SPAST: variants seen among roughly 807,000 people sequenced by gnomAD.
The protein encoded by SPAST is spastic paraplegia 4 (autosomal dominant; spastin).
SPAST carries 30 observed loss-of-function variants against 76.6 expected under a neutral mutation model. The ratio of observed to expected loss-of-function variants is 0.39; its 90% CI spans 0.29 to 0.53. The LOEUF is 0.53. SPAST is among the 20% of genes least tolerant of loss of function. SPAST has a pLI of 0.68. For synonymous variants in SPAST, 305 were observed against 281.0 expected, an observed-to-expected ratio of 1.09 and a Z score of -0.86; for missense variants, 717 against 770.5, an observed-to-expected ratio of 0.93 and a Z score of 0.82.
At chr2:32,088,577 G>A (rs1677586077) in intron 2 of SPAST, among the ~76,000 whole-genome samples, 1 of 152,224 alleles carries the variant, frequency 6.6e-6, no homozygotes, top group African/African-American at 2.4e-5. Context: ...CCAGGAGGCG[G>A]AGGTTGTGGT....
At chr2:32,150,951 C>CTTTTTTTTTTT (rs113065520) in intron 16 of SPAST, among the ~76,000 whole-genome samples, 79 of 143,338 alleles carry the variant, frequency 5.5e-4, no homozygotes, top group East Asian at 1.5e-3. Flanking sequence ...CTACTGTATA[C>CTTTTTTTTTTT]TTTTTTTTTT....
intron 4 of SPAST, among the ~76,000 whole-genome samples, chr2:32,112,011 A>G (rs144366703): frequency 2.1e-5 from 2 of 96,602 alleles, no homozygotes; most frequent in African/African-American, 7.0e-5. Context: ...TAGTAGTAGT[A>G]GTTTTTTTTT....
intron 4 of SPAST, among the ~76,000 whole-genome samples, chr2:32,099,979 G>A (rs1203818382): frequency 1.4e-5 from 2 of 145,026 alleles, no homozygotes; most frequent in South Asian, 2.3e-4. Flanking sequence ...AACATGGGGT[G>A]TAGATGTCTG....
chr2:32,087,694 C>CTTTTTTTTTTTTTTTT (rs770566493), intron 2 of SPAST, 116 bp downstream of exon 2: 11 of 186,252 alleles, frequency 5.9e-5, no homozygotes, highest in South Asian at 9.2e-5. Flanking sequence ...CTTTTCTTTT[C>CTTTTTTTTTTTTTTTT]TTTTTTTTTT....
At chr2:32,147,514 AC>A (rs1445909387) in intron 16 of SPAST, among the ~76,000 whole-genome samples, 1 of 151,704 alleles carries the variant, frequency 6.6e-6, no homozygotes, top group Non-Finnish European at 1.5e-5. Flanking sequence ...AGGGCATTTC[AC>A]CATGTTGGCC....
At chr2:32,065,727 T>C (rs548421556) in intron 1 of SPAST, among the ~76,000 whole-genome samples, 142 of 152,288 alleles carry the variant, frequency 9.3e-4, no homozygotes, top group African/African-American at 3.3e-3. Flanking sequence ...ACAGAAACAA[T>C]CTGCACTTCA....
chr2:32,091,248 TTATTATTA>T (rs1677703040), intron 3 of SPAST, among the ~76,000 whole-genome samples: 1 of 1,558 alleles, frequency 6.4e-4, no homozygotes, highest in Non-Finnish European at 1.1e-3. Flanking sequence ...TATGAAGCTA[TTATTATTA>T]TTATTATTAT....
intron 5 of SPAST, among the ~76,000 whole-genome samples, chr2:32,115,171 C>G (rs1678781722): frequency 6.6e-6 from 1 of 152,192 alleles, no homozygotes; most frequent in Middle Eastern, 3.4e-3. Flanking sequence ...TGGTCTCAAA[C>G]TCCCGACCTC....
chr2:32,110,539 AGTATATATATACTATATAGT>A (rs1678521001), intron 4 of SPAST, among the ~76,000 whole-genome samples: 2 of 137,548 alleles, frequency 1.5e-5, no homozygotes, highest in South Asian at 4.4e-4. Context: ...GTGTATATAT[AGTATATATATACTATATAGT>A]GTGTATATAT....
At chr2:32,122,366 G>A (rs959649669) in intron 7 of SPAST, among the ~76,000 whole-genome samples, 1 of 152,150 alleles carries the variant, frequency 6.6e-6, no homozygotes, top group Non-Finnish European at 1.5e-5. Flanking sequence ...CTGTTGCCCA[G>A]GCTGGAGTGC....
chr2:32,083,034 C>A (rs921674168), intron 1 of SPAST, among the ~76,000 whole-genome samples: 2 of 151,840 alleles, frequency 1.3e-5, no homozygotes, highest in African/African-American at 4.8e-5. Flanking sequence ...TGCAGTGGCG[C>A]AATCACAGCT....
chr2:32,075,240 G>A (rs1676905144), intron 1 of SPAST, among the ~76,000 whole-genome samples: 1 of 151,540 alleles, frequency 6.6e-6, no homozygotes, highest in African/African-American at 2.4e-5. Context: ...GGCTAACACG[G>A]TGAAACCCCA....
rs144594804 is a variant in SPAST at position 32,154,380 on chromosome 2, A to C, written c.1735A>C (p.Asn579His). 1,032 of 1,613,136 alleles carry C rather than the reference A, an allele frequency of 6.4e-4. 1 individual carries two copies. Among genetic ancestry groups the C allele is most frequent in the Non-Finnish European group, 8.3e-4 (984 of 1,179,106 alleles). Residue 579 changes from asparagine to histidine, a missense_variant, in exon 17 of 17, where the codon AAT becomes CAT. Physicochemically the swap from Asn to His is moderately conservative, Grantham distance 68. Around this residue, in one of 3 missense-constraint regions of SPAST, gnomAD observed 96 missense variants for 127.6 expected, o/e 0.75. Transcript: ENST00000315285. ...GTGCTTTTTAAAAATCTAGATGAGA[A>C]ATATTCGATTATCTGACTTCACTGA... ...VKNMSASEMR[N>H]IRLSDFTESL...
chr2:32,111,332 GTATA>G (rs1047922981), intron 4 of SPAST, among the ~76,000 whole-genome samples: 2 of 127,658 alleles, frequency 1.6e-5, no homozygotes, highest in Non-Finnish European at 3.5e-5. Context: ...TGTGTATAGC[GTATA>G]TATACAGTAT....
At chr2:32,140,830 A>G (rs756541205) in intron 12 of SPAST, among the ~76,000 whole-genome samples, 7 of 149,960 alleles carry the variant, frequency 4.7e-5, no homozygotes, top group Non-Finnish European at 1.0e-4. Flanking sequence ...ATACTTGGTC[A>G]TAATTTTAGT....
chr2:32,064,922 G>T (rs914740310), intron 1 of SPAST, among the ~76,000 whole-genome samples: 1 of 152,038 alleles, frequency 6.6e-6, no homozygotes, highest in African/African-American at 2.4e-5. Context: ...AATGGATTGC[G>T]TAAACTTAAA....
chr2:32,111,880 C>T (rs1678621232), intron 4 of SPAST, among the ~76,000 whole-genome samples: 1 of 150,506 alleles, frequency 6.6e-6, no homozygotes, highest in Admixed American at 6.6e-5. Flanking sequence ...CATACTTGTT[C>T]CTTGTGGAAA....
intron 5 of SPAST, 133 bp from the exon 6 acceptor site, chr2:32,115,568 TA>T: frequency 1.6e-6 from 1 of 642,768 alleles, no homozygotes; most frequent in East Asian, 2.9e-5. Flanking sequence ...GGTAAATAAA[TA>T]TACAATTTAT....
At chr2:32,123,558 G>C (rs1360462739) in intron 7 of SPAST, among the ~76,000 whole-genome samples, 1 of 152,144 alleles carries the variant, frequency 6.6e-6, no homozygotes, top group Non-Finnish European at 1.5e-5. Context: ...AAAAGACCTA[G>C]AACAGCCAAC....
Sources: gnomAD v4.1 joint callset for allele counts (sites outside exome capture counted in the v4.1 genomes callset) on GRCh38, gnomAD v4.1.1 for gene constraint, gnomAD v4.1.1 regional missense constraint, MANE v1.5 for transcripts, NCBI Gene and HGNC (gene_info 2026-07-23, HGNC 2026-07-21) for gene names.